USH2A: variants seen among roughly 807,000 people sequenced by gnomAD.
The protein encoded by USH2A is Usher syndrome 2A (autosomal recessive, mild).
In USH2A, 443 loss-of-function variants were observed where a neutral mutation model predicts 538.9. The ratio of observed to expected loss-of-function variants is 0.82; its 90% confidence interval spans 0.76 to 0.89. USH2A has a LOEUF of 0.89. Among genes scored for constraint, USH2A ranks in the 40% least tolerant of loss-of-function variants. USH2A has a pLI of 0.00. For missense variants in USH2A, 6,633 were observed against 6,324.8 expected (o/e 1.05, Z -1.65); for synonymous variants, 2,413 against 2,273.5 (o/e 1.06, Z -1.75).
chr1:215,687,811 T>C lies in USH2A; in HGVS notation c.12067-7435A>G, dbSNP rs781447463. 3.9e-5 allele frequency among the ~76,000 whole-genome samples: 6 copies of C among 152,266 alleles called. 1 individual carries two copies. Among genetic ancestry groups the C allele is most frequent in the South Asian group, 2.1e-4 (1 of 4,828 alleles). On this transcript the variant is annotated intron_variant, in intron 61 of 71. Transcript: ENST00000307340. Reference sequence around the variant, plus strand: ...CATTTGGGCCATAGCTTTAGATTTATTTAAGCCTTGATTAAACACACATGT... The same window carrying C: ...CATTTGGGCCATAGCTTTAGATTTACTTAAGCCTTGATTAAACACACATGT...
chr1:216,252,469 T>C (rs534177807), intron 11 of USH2A, among the ~76,000 whole-genome samples: 1 of 152,306 alleles, frequency 6.6e-6, no homozygotes, highest in South Asian at 2.1e-4. Context: ...ATATCTAGGT[T>C]GGGATTCAGT....
In USH2A at chr1:215,641,998, A is replaced by G. The variant is rs73087450; in HGVS notation, c.14792-1264T>C. Among the ~76,000 whole-genome samples, 1,486 of 152,326 alleles carry G rather than the reference A, an allele frequency of 9.8e-3. 29 individuals are homozygous for G. The highest frequency in any genetic ancestry group is 0.071 in the South Asian group (343 of 4,830). ...TGTTATTTGTCTATGACTTCTCTCC[A>G]TCACCTTAGTTCAGTAGATTTTCAC... On this transcript the variant is annotated intron_variant, in intron 67 of 71. Transcript: ENST00000307340.
At chr1:215,918,799 A>G (rs1304748520) in intron 38 of USH2A, among the ~76,000 whole-genome samples, 1 of 152,124 alleles carries the variant, frequency 6.6e-6, no homozygotes, top group African/African-American at 2.4e-5. Flanking sequence ...GCAATGATCA[A>G]TAATTATATG....
chr1:216,316,407 C>T (rs926566008), intron 9 of USH2A, among the ~76,000 whole-genome samples: 4 of 152,162 alleles, frequency 2.6e-5, no homozygotes, highest in African/African-American at 9.7e-5. Flanking sequence ...GTGTCTCAAT[C>T]TATCCATCAG....
intron 49 of USH2A, among the ~76,000 whole-genome samples, chr1:215,812,816 T>C (rs939424713): frequency 8.5e-5 from 13 of 152,224 alleles, no homozygotes; most frequent in African/African-American, 3.1e-4. Flanking sequence ...TAAATAGTCC[T>C]TTTAAAAAAA....
intron 58 of USH2A, among the ~76,000 whole-genome samples, chr1:215,743,808 A>C (rs1447644469): frequency 7.1e-6 from 1 of 141,380 alleles, no homozygotes; most frequent in Non-Finnish European, 1.5e-5. Flanking sequence ...CGACAGAGTG[A>C]GACTCCGCCT....
chr1:216,339,617 A>T (rs2038036626), intron 4 of USH2A, among the ~76,000 whole-genome samples: 1 of 151,888 alleles, frequency 6.6e-6, no homozygotes, highest in Non-Finnish European at 1.5e-5. Flanking sequence ...AATGCAAAAG[A>T]ACTGAAATTA....
In USH2A at chr1:216,030,445, T is replaced by C. The variant is rs1004425091; in HGVS notation, c.6325+15986A>G. ...TCACAGACATATAATATATATGATA[T>C]ATAGATATATATCACAGACATATAA... On this transcript the variant is annotated intron_variant, in intron 32 of 71. Coordinates refer to ENST00000307340, the MANE Select transcript of USH2A (RefSeq NM_206933.4). 3.8e-5 allele frequency among the ~76,000 whole-genome samples: 3 copies of C among 79,446 alleles called. 1 individual carries two copies. The highest frequency in any genetic ancestry group is 6.9e-4 in the South Asian group (2 of 2,910). The allele number at this position is 79,446 out of a possible 152,430, so 52.1% of individuals were successfully genotyped here.
chr1:216,415,090 G>T, intron 3 of USH2A, among the ~76,000 whole-genome samples: 1 of 151,972 alleles, frequency 6.6e-6, no homozygotes, highest in East Asian at 1.9e-4. Flanking sequence ...TGGGAGAAGA[G>T]AAAAAAAGCA....
intron 37 of USH2A, among the ~76,000 whole-genome samples, chr1:215,948,694 G>A (rs1666820712): frequency 6.6e-6 from 1 of 151,794 alleles, no homozygotes; most frequent in South Asian, 2.1e-4. Context: ...CTCTGTCAGG[G>A]ACATAATTTT....
At chr1:216,155,145 A>G (rs1009070024) in intron 21 of USH2A, among the ~76,000 whole-genome samples, 15 of 152,114 alleles carry the variant, frequency 9.9e-5, no homozygotes, top group Non-Finnish European at 1.3e-4. Flanking sequence ...GGACACTGGG[A>G]GAAATTTAGT....
intron 58 of USH2A, among the ~76,000 whole-genome samples, chr1:215,750,355 C>G (rs994317305): frequency 2.0e-5 from 3 of 151,932 alleles, no homozygotes; most frequent in Non-Finnish European, 4.4e-5. Flanking sequence ...GGGTTCCTGA[C>G]AAGAGGGACA....
chr1:216,165,455 G>T (rs2034148083), intron 21 of USH2A, among the ~76,000 whole-genome samples: 2 of 152,064 alleles, frequency 1.3e-5, no homozygotes, highest in Admixed American at 6.6e-5. Context: ...CCATTAACAA[G>T]AAATTTCTTT....
At chr1:216,104,208 C>T (rs535460091) in intron 21 of USH2A, among the ~76,000 whole-genome samples, 14 of 151,622 alleles carry the variant, frequency 9.2e-5, no homozygotes, top group Non-Finnish European at 1.6e-4. Context: ...AAATGCTTTC[C>T]CTCCCTCCTC....
chr1:215,641,542 G>C (rs1041545513), intron 67 of USH2A, among the ~76,000 whole-genome samples: 1 of 152,120 alleles, frequency 6.6e-6, no homozygotes, highest in African/African-American at 2.4e-5. Flanking sequence ...AATAATTTTT[G>C]TGGAAACAAA....
At position 216,009,731 on chromosome 1, in the gene USH2A, C is replaced by T. The variant is rs11120710; in HGVS notation, c.6326-9169G>A. ...TAGGTCCCAATTCTTCCTCAGCCTC[C>T]GCTCCTCCACCCTATAATCCTTTTA... On this transcript the variant is annotated intron_variant, in intron 32 of 71. Coordinates refer to ENST00000307340, the MANE Select transcript of USH2A (RefSeq NM_206933.4). 8.9e-3 allele frequency among the ~76,000 whole-genome samples: 1,361 copies of T among 152,224 alleles called. 14 individuals carry two copies. The highest frequency in any genetic ancestry group is 0.017 in the African/African-American group (691 of 41,538).
chr1:216,011,141 T>C (rs1216418243), intron 32 of USH2A, among the ~76,000 whole-genome samples: 5 of 152,176 alleles, frequency 3.3e-5, no homozygotes, highest in South Asian at 2.1e-4. Context: ...TCAGGATCTA[T>C]GCCTTATCAA....
chr1:216,390,749 G>T (rs1004761677), intron 3 of USH2A, among the ~76,000 whole-genome samples: 27 of 152,220 alleles, frequency 1.8e-4, no homozygotes, highest in African/African-American at 6.5e-4. Context: ...ACCAAATTTT[G>T]AAGGTTTTAA....
At chr1:216,333,990 T>G (rs1455267341) in intron 4 of USH2A, among the ~76,000 whole-genome samples, 4 of 152,042 alleles carry the variant, frequency 2.6e-5, no homozygotes, top group Non-Finnish European at 4.4e-5. Context: ...TGATAGGATA[T>G]TAGAGAGCAA....
Sources: gnomAD v4.1 joint callset for allele counts (sites outside exome capture counted in the v4.1 genomes callset) on GRCh38, gnomAD v4.1.1 for gene constraint, MANE v1.5 for transcripts, NCBI Gene and HGNC (gene_info 2026-07-23, HGNC 2026-07-21) for gene names.